Variants in IRAK2 observed in about 807,000 individuals in gnomAD.
The protein encoded by IRAK2 is interleukin-1 receptor-associated kinase-like 2.
IRAK2 carries 57 observed loss-of-function variants against 72.0 expected under a neutral mutation model. The observed-to-expected ratio is 0.79, with a 90% CI of 0.64 to 0.99. IRAK2 has a LOEUF of 0.99. Among genes scored for constraint, IRAK2 ranks in the 50% least tolerant of loss-of-function variants. The pLI is 0.00. For missense variants in IRAK2, 790 were observed against 794.4 expected (o/e 0.99, Z 0.07); for synonymous variants, 293 against 312.7 (o/e 0.94, Z 0.67).
At chr3:10,229,527 C>T (rs1697828255) in intron 10 of IRAK2, among the ~76,000 whole-genome samples, 1 of 152,178 alleles carries the variant, frequency 6.6e-6, no homozygotes, top group Non-Finnish European at 1.5e-5. Flanking sequence ...GGCAATTACT[C>T]ATCTAATTTC....
intron 3 of IRAK2, among the ~76,000 whole-genome samples, chr3:10,207,539 C>T (rs773305406): frequency 2.0e-5 from 3 of 152,192 alleles, no homozygotes; most frequent in African/African-American, 2.4e-5. Flanking sequence ...CTGCGCCCAC[C>T]GAGGAGCCCC....
chr3:10,230,720 C>T (rs183542043), intron 10 of IRAK2, among the ~76,000 whole-genome samples: 8 of 152,052 alleles, frequency 5.3e-5, no homozygotes, highest in Non-Finnish European at 7.4e-5. Context: ...AGGCACGTGC[C>T]GCCACTCCTA....
intron 10 of IRAK2, among the ~76,000 whole-genome samples, chr3:10,228,265 C>G (rs556506032): frequency 2.8e-4 from 42 of 152,180 alleles, no homozygotes; most frequent in African/African-American, 9.9e-4. Context: ...GGTGACTGGG[C>G]CCCAGAAGCA....
At chr3:10,198,115 C>T (rs994978154) in intron 2 of IRAK2, among the ~76,000 whole-genome samples, 53 of 152,160 alleles carry the variant, frequency 3.5e-4, no homozygotes, top group Admixed American at 6.5e-4. Flanking sequence ...AGGAGAATGG[C>T]GTGAGCCCGA....
chr3:10,200,795 G>A (rs1358871249), intron 3 of IRAK2, among the ~76,000 whole-genome samples: 2 of 152,166 alleles, frequency 1.3e-5, no homozygotes, highest in African/African-American at 4.8e-5. Context: ...CAGCTATTCA[G>A]GAGGCTGAGG....
intron 10 of IRAK2, among the ~76,000 whole-genome samples, chr3:10,227,703 C>G (rs2125162238): frequency 6.7e-6 from 1 of 148,366 alleles, no homozygotes; most frequent in Admixed American, 6.8e-5. Flanking sequence ...GAGTCTTGCT[C>G]TGTCGCCCAG....
At chr3:10,208,124 G>C (rs1677667604) in intron 3 of IRAK2, among the ~76,000 whole-genome samples, 1 of 151,242 alleles carries the variant, frequency 6.6e-6, no homozygotes, top group African/African-American at 2.4e-5. Context: ...CACAGACTGT[G>C]GGTGAGGTGG....
intron 2 of IRAK2, among the ~76,000 whole-genome samples, chr3:10,187,139 C>T (rs1410734559): frequency 6.6e-6 from 1 of 151,388 alleles, no homozygotes; most frequent in Admixed American, 6.6e-5. Context: ...ATTAGGGTGA[C>T]TCCAACTGTT....
intron 2 of IRAK2, among the ~76,000 whole-genome samples, chr3:10,199,466 C>A (rs998188770): frequency 3.3e-5 from 5 of 152,126 alleles, no homozygotes; most frequent in African/African-American, 7.2e-5. Context: ...TGGGCCTGGG[C>A]CTGGTACAGC....
intron 9 of IRAK2, among the ~76,000 whole-genome samples, chr3:10,225,675 C>T (rs1178769202): frequency 6.6e-6 from 1 of 151,564 alleles, no homozygotes; most frequent in East Asian, 1.9e-4. Flanking sequence ...GCAATGCCTG[C>T]TTGCCATAGC....
In IRAK2 at chr3:10,209,668, C is replaced by A; in HGVS notation, c.504C>A (p.Asp168Glu). 6.5e-7 allele frequency: 1 copy of A among 1,549,730 alleles called. No homozygotes were observed. Among genetic ancestry groups the A allele is most frequent in the Non-Finnish European group, 8.7e-7 (1 of 1,150,008 alleles). ...EEDAPHSLRS[D>E]LPTSSDSKDF... is the part of the protein sequence containing the mutation. ...ATGCCCCTCATTCCTTGAGAAGCGACCTCCCCACTTCGTCTGATTCAAAGG... is the reference window on the plus strand; with the variant it reads ...ATGCCCCTCATTCCTTGAGAAGCGAACTCCCCACTTCGTCTGATTCAAAGG... The change falls in exon 4 of 13, where the codon GAC becomes GAA. Residue 168 changes from aspartate to glutamate, a missense_variant. Transcript: ENST00000256458.
chr3:10,226,178 G>T lies in IRAK2; in HGVS notation c.1210-193G>T, dbSNP rs58922351. Among the ~76,000 whole-genome samples, 255 of 152,104 alleles carry T rather than the reference G, an allele frequency of 1.7e-3. 1 individual carries two copies. Among genetic ancestry groups the T allele is most frequent in the African/African-American group, 6.0e-3 (247 of 41,486 alleles). ...ATCAATTAATTACAACCTTCCACTG[G>T]CAGCTTGGTGGCATCTTTAATTGGA... On this transcript the variant is annotated intron_variant, in intron 9 of 12. Coordinates refer to ENST00000256458, the MANE Select transcript of IRAK2 (RefSeq NM_001570.4).
In IRAK2 at chr3:10,234,500, G is replaced by A; in HGVS notation, c.1314G>A (p.Ser438=). ...GTGATATTCCAAGCAGCACCGCCTCGCTCTGCTCCAGGAAGACGGGCGTGG... is the reference window on the plus strand; with the variant it reads ...GTGATATTCCAAGCAGCACCGCCTCACTCTGCTCCAGGAAGACGGGCGTGG... The part of the protein sequence containing the change: ...LLSDIPSSTA[S]LCSRKTGVEN... Residue 438 remains serine, a synonymous_variant, in exon 11 of 13, where the codon TCG becomes TCA. Transcript: ENST00000256458. The A allele has an allele frequency of 1.2e-6, 2 of 1,614,164 alleles. No individual in the cohort carries two copies. Among genetic ancestry groups the A allele is most frequent in the Middle Eastern group, 1.6e-4 (1 of 6,062 alleles).
In IRAK2 at chr3:10,185,924, G is replaced by A. The variant is rs571402108; in HGVS notation, c.277+7904G>A. On this transcript the variant is annotated intron_variant, in intron 2 of 12. Coordinates refer to ENST00000256458, the MANE Select transcript of IRAK2 (RefSeq NM_001570.4). ...CAAAAATTAGCCAGAGGTGGCGGTG[G>A]GCACGTGTAATCCCAGCTACTCGGG... Among the ~76,000 whole-genome samples, 36 of 151,418 alleles carry A rather than the reference G, an allele frequency of 2.4e-4. 1 individual carries two copies. The highest frequency in any genetic ancestry group is 8.6e-4 in the African/African-American group (35 of 40,856).
At chr3:10,231,376 C>G (rs778040) in intron 10 of IRAK2, among the ~76,000 whole-genome samples, 1 of 151,952 alleles carries the variant, frequency 6.6e-6, no homozygotes, top group East Asian at 1.9e-4. Flanking sequence ...ACCACAACCT[C>G]TGTCTCCCAG....
chr3:10,191,783 G>T (rs2125148411), intron 2 of IRAK2, among the ~76,000 whole-genome samples: 1 of 152,254 alleles, frequency 6.6e-6, no homozygotes, highest in African/African-American at 2.4e-5. Context: ...TCAGCATAGA[G>T]CACCTCCCAG....
chr3:10,187,813 G>A (rs1273761019), intron 2 of IRAK2, among the ~76,000 whole-genome samples: 1 of 152,286 alleles, frequency 6.6e-6, no homozygotes, highest in Admixed American at 6.5e-5. Context: ...GGTGACCATG[G>A]TGAGGGTGCT....
intron 2 of IRAK2, among the ~76,000 whole-genome samples, chr3:10,190,934 G>A (rs191736449): frequency 7.4e-4 from 113 of 152,294 alleles, no homozygotes; most frequent in African/African-American, 2.6e-3. Context: ...GGAAGAGAGG[G>A]TTGGAAGAGG....
chr3:10,186,634 C>T (rs569126181), intron 2 of IRAK2, among the ~76,000 whole-genome samples: 1 of 151,726 alleles, frequency 6.6e-6, no homozygotes, highest in South Asian at 2.1e-4. Context: ...TAGTAGAACT[C>T]AGAAAGGTGG....
Sources: allele counts gnomAD v4.1 joint callset (sites outside exome capture counted in the v4.1 genomes callset), GRCh38; gene constraint gnomAD v4.1.1; transcripts MANE v1.5; gene names NCBI Gene and HGNC (gene_info 2026-07-23, HGNC 2026-07-21).